SPAG16: variants seen among roughly 807,000 people sequenced by gnomAD.
SPAG16 encodes the protein sperm associated antigen 16, also known as sperm-associated antigen 16 protein.
SPAG16 carries 86 observed loss-of-function variants against 80.4 expected under a neutral mutation model. That is an observed-to-expected ratio of 1.07 (90% CI 0.90 to 1.28). The LOEUF (loss-of-function observed/expected upper bound fraction) is 1.28, where lower values mean the gene tolerates loss of function less well. SPAG16 is among the 50% of genes most tolerant of loss of function. The pLI is 0.00. For missense variants in SPAG16, 870 were observed against 765.3 expected, an observed-to-expected ratio of 1.14 and a Z score of -1.61; for synonymous variants, 294 against 265.9, an observed-to-expected ratio of 1.11 and a Z score of -1.03.
intron 15 of SPAG16, among the ~76,000 whole-genome samples, chr2:214,390,196 C>T (rs1160004044): frequency 6.6e-6 from 1 of 152,062 alleles, no homozygotes; most frequent in Non-Finnish European, 1.5e-5. Flanking sequence ...TATTATACCT[C>T]CAGTAATGGC....
At chr2:214,351,827 T>C (rs1302774664) in intron 15 of SPAG16, among the ~76,000 whole-genome samples, 1 of 73,112 alleles carries the variant, frequency 1.4e-5, no homozygotes, top group Admixed American at 1.5e-4. Flanking sequence ...GTATATTCTA[T>C]TTGACACACA....
At position 213,849,737 on chromosome 2, in the gene SPAG16, C is replaced by T. The variant is rs375050430; in HGVS notation, c.1071-12748C>T. Among the ~76,000 whole-genome samples the T allele has an allele frequency of 5.3e-5, 8 of 152,098 alleles. No homozygotes were observed. In the East Asian group the frequency reaches 1.2e-3, roughly 22 times the overall value. On this transcript the variant is annotated intron_variant, in intron 10 of 15. Coordinates refer to ENST00000331683, the MANE Select transcript of SPAG16 (RefSeq NM_024532.5). Reference sequence around the variant, plus strand: ...AAAAGAGATTTTTCATGTTAAAGTCCTTACCATAAGGAAGTTTGACTGTCA... The same window carrying T: ...AAAAGAGATTTTTCATGTTAAAGTCTTTACCATAAGGAAGTTTGACTGTCA...
At chr2:213,965,602 C>G (rs1011172888) in intron 12 of SPAG16, among the ~76,000 whole-genome samples, 1 of 152,168 alleles carries the variant, frequency 6.6e-6, no homozygotes. Flanking sequence ...CCTTGATTCT[C>G]TCTGTTAAGC....
At chr2:214,284,423 G>A (rs969122841) in intron 15 of SPAG16, among the ~76,000 whole-genome samples, 1 of 151,982 alleles carries the variant, frequency 6.6e-6, no homozygotes, top group Non-Finnish European at 1.5e-5. Flanking sequence ...TCTCCTTTTG[G>A]TTATTGATTC....
chr2:213,826,078 A>C (rs540374659), intron 10 of SPAG16, among the ~76,000 whole-genome samples: 48 of 151,700 alleles, frequency 3.2e-4, no homozygotes, highest in South Asian at 8.3e-4. Context: ...AATCCTTTTA[A>C]TTTCTGTGGT....
intron 10 of SPAG16, among the ~76,000 whole-genome samples, chr2:213,599,262 T>C (rs1034081010): frequency 7.2e-5 from 11 of 152,230 alleles, no homozygotes; most frequent in Admixed American, 7.2e-4. Context: ...ATGCTGCTTC[T>C]TGCTTGCTTT....
intron 10 of SPAG16, among the ~76,000 whole-genome samples, chr2:213,850,411 C>A (rs1410333658): frequency 1.3e-5 from 2 of 152,166 alleles, no homozygotes; most frequent in African/African-American, 4.8e-5. Context: ...CCAGGGAAAA[C>A]TGTCTATGTT....
At chr2:214,334,391 G>A (rs1697139010) in intron 15 of SPAG16, among the ~76,000 whole-genome samples, 1 of 152,136 alleles carries the variant, frequency 6.6e-6, no homozygotes, top group African/African-American at 2.4e-5. Context: ...GGGGATTTAG[G>A]ATTTTTAATT....
intron 15 of SPAG16, among the ~76,000 whole-genome samples, chr2:214,173,763 A>G (rs1313496932): frequency 6.6e-6 from 1 of 151,938 alleles, no homozygotes; most frequent in East Asian, 1.9e-4. Flanking sequence ...CCAGGCAGAG[A>G]CACAACCAAA....
At chr2:214,181,589 T>A (rs910134549) in intron 15 of SPAG16, among the ~76,000 whole-genome samples, 2 of 151,828 alleles carry the variant, frequency 1.3e-5, no homozygotes, top group Non-Finnish European at 2.9e-5. Flanking sequence ...GGTGCAAGCT[T>A]TGCTAGAGGC....
chr2:214,385,715 G>C (rs763125906), intron 15 of SPAG16, among the ~76,000 whole-genome samples: 1 of 151,926 alleles, frequency 6.6e-6, no homozygotes, highest in Non-Finnish European at 1.5e-5. Context: ...GTGGTGGCAC[G>C]CACCTGTAGT....
intron 14 of SPAG16, among the ~76,000 whole-genome samples, chr2:214,126,607 C>G (rs777361474): frequency 6.6e-5 from 10 of 151,712 alleles, no homozygotes; most frequent in Non-Finnish European, 1.0e-4. Flanking sequence ...AAATCCATTG[C>G]AGGTTATCCC....
intron 14 of SPAG16, among the ~76,000 whole-genome samples, chr2:214,120,238 C>A (rs2054149315): frequency 6.6e-6 from 1 of 151,400 alleles, no homozygotes; most frequent in Non-Finnish European, 1.5e-5. Context: ...TGTGGCATCC[C>A]AATTAATTTC....
At chr2:213,639,804 A>T (rs555114292) in intron 10 of SPAG16, among the ~76,000 whole-genome samples, 7 of 152,222 alleles carry the variant, frequency 4.6e-5, no homozygotes, top group South Asian at 2.1e-4. Flanking sequence ...TAGGCCAGGG[A>T]TGTTTTCCTT....
intron 10 of SPAG16, among the ~76,000 whole-genome samples, chr2:213,537,045 A>G (rs551743172): frequency 6.6e-6 from 1 of 151,836 alleles, no homozygotes; most frequent in Non-Finnish European, 1.5e-5. Context: ...CATCATTCTC[A>G]GTAAACTATC....
chr2:213,755,157 TC>T (rs2068265083), intron 10 of SPAG16, among the ~76,000 whole-genome samples: 1 of 152,216 alleles, frequency 6.6e-6, no homozygotes, highest in East Asian at 1.9e-4. Flanking sequence ...TTTTGCAGGT[TC>T]AGTGTATTTT....
At chr2:213,456,100 C>T (rs777575356) in intron 9 of SPAG16, among the ~76,000 whole-genome samples, 9 of 152,138 alleles carry the variant, frequency 5.9e-5, no homozygotes, top group East Asian at 1.9e-4. Flanking sequence ...CCAGACTTGG[C>T]GTGTGGTTAC....
intron 15 of SPAG16, among the ~76,000 whole-genome samples, chr2:214,323,071 T>G (rs898929648): frequency 6.6e-6 from 1 of 152,250 alleles, no homozygotes; most frequent in Non-Finnish European, 1.5e-5. Context: ...TTGTTGCTTA[T>G]TCTCTACTGC....
chr2:213,509,122 G>A (rs892624858), intron 10 of SPAG16, among the ~76,000 whole-genome samples: 1 of 151,732 alleles, frequency 6.6e-6, no homozygotes, highest in Non-Finnish European at 1.5e-5. Flanking sequence ...TCAGCCTCCC[G>A]AGTAGCTGGG....
Sources: gnomAD v4.1 joint callset for allele counts (sites outside exome capture counted in the v4.1 genomes callset) on GRCh38, gnomAD v4.1.1 for gene constraint, MANE v1.5 for transcripts, NCBI Gene and HGNC (gene_info 2026-07-23, HGNC 2026-07-21) for gene names.